ZRANB3: variants seen among roughly 807,000 people sequenced by gnomAD.
ZRANB3 encodes the protein zinc finger RANBP2-type containing 3, also known as DNA annealing helicase and endonuclease ZRANB3.
In ZRANB3, 125 loss-of-function variants were observed where a neutral mutation model predicts 133.8. The ratio of observed to expected loss-of-function variants is 0.93; its 90% CI spans 0.81 to 1.08. ZRANB3 has a LOEUF of 1.08. ZRANB3 is among the 50% of genes least tolerant of loss of function. The pLI, the probability that ZRANB3 is intolerant of heterozygous loss-of-function variation, is 0.00. For synonymous variants in ZRANB3, 387 were observed against 432.7 expected, an observed-to-expected ratio of 0.89 and a Z score of 1.31; for missense variants, 1,229 against 1,275.5, an observed-to-expected ratio of 0.96 and a Z score of 0.56.
chr2:135,343,010 C>CAAAA (rs11435525), intron 6 of ZRANB3, among the ~76,000 whole-genome samples: 41 of 55,210 alleles, frequency 7.4e-4, no homozygotes, highest in African/African-American at 2.9e-3. Flanking sequence ...ACTAAAAATC[C>CAAAA]AAAAAAAAAA....
At chr2:135,211,880 C>T (rs1694106452) in intron 17 of ZRANB3, among the ~76,000 whole-genome samples, 2 of 151,926 alleles carry the variant, frequency 1.3e-5, no homozygotes, top group African/African-American at 2.4e-5. Context: ...AGAATAAATC[C>T]CCAGAAGTAG....
At chr2:135,473,081 C>T (rs1309800930) in intron 2 of ZRANB3, among the ~76,000 whole-genome samples, 2 of 152,112 alleles carry the variant, frequency 1.3e-5, no homozygotes, top group East Asian at 3.8e-4. Flanking sequence ...TGTTGTGCAA[C>T]CTTCACAACT....
chr2:135,472,274 G>A (rs1244112644), intron 2 of ZRANB3, among the ~76,000 whole-genome samples: 2 of 152,122 alleles, frequency 1.3e-5, no homozygotes, highest in Non-Finnish European at 2.9e-5. Flanking sequence ...GCCGAGGCAG[G>A]CAGATCACAA....
chr2:135,288,246 T>C (rs1681487209), intron 8 of ZRANB3, among the ~76,000 whole-genome samples: 1 of 152,178 alleles, frequency 6.6e-6, no homozygotes, highest in African/African-American at 2.4e-5. Flanking sequence ...TATTGGCTTG[T>C]GTGTGTTAAG....
chr2:135,470,834 C>T (rs1464625174), intron 2 of ZRANB3, among the ~76,000 whole-genome samples: 4 of 146,966 alleles, frequency 2.7e-5, no homozygotes, highest in African/African-American at 1.0e-4. Flanking sequence ...TGGAGTCTCA[C>T]TCTGTCGCCC....
intron 2 of ZRANB3, among the ~76,000 whole-genome samples, chr2:135,481,331 A>G (rs1691793944): frequency 6.6e-6 from 1 of 151,394 alleles, no homozygotes; most frequent in Middle Eastern, 3.4e-3. Context: ...ATGGTATCTC[A>G]TTGTGGTTTT....
chr2:135,506,625 G>A (rs192490164), intron 1 of ZRANB3, among the ~76,000 whole-genome samples: 73 of 152,176 alleles, frequency 4.8e-4, no homozygotes, highest in African/African-American at 1.3e-3. Flanking sequence ...CATGTTTCAC[G>A]GGCTCAACAG....
chr2:135,486,350 G>A (rs955054318), intron 2 of ZRANB3, among the ~76,000 whole-genome samples: 3 of 152,100 alleles, frequency 2.0e-5, no homozygotes, highest in Non-Finnish European at 2.9e-5. Context: ...ACCAAGAATA[G>A]ATTCCATCTC....
chr2:135,306,681 T>C (rs1682722807), intron 8 of ZRANB3, among the ~76,000 whole-genome samples: 1 of 151,068 alleles, frequency 6.6e-6, no homozygotes, highest in African/African-American at 2.4e-5. Flanking sequence ...ATCCGATTCC[T>C]GGGTTCAAGC....
intron 2 of ZRANB3, among the ~76,000 whole-genome samples, chr2:135,416,644 T>C (rs1250284022): frequency 1.3e-5 from 2 of 150,242 alleles, no homozygotes; most frequent in East Asian, 3.9e-4. Flanking sequence ...AGAGCCCGCA[T>C]CGCCAAGTCA....
Position 135,200,318 on chromosome 2 carries a change from C to T in ZRANB3, c.*24G>A. 1 of 1,538,244 alleles carries T rather than the reference C, an allele frequency of 6.5e-7. No homozygotes were observed. ...AGTCTTCCACATGTAAACCATTTGT[C>T]ATTCATTCATATATTTTTCTACTTT... On this transcript the variant is annotated 3_prime_UTR_variant, in exon 21 of 21. Coordinates refer to ENST00000264159, the MANE Select transcript of ZRANB3 (RefSeq NM_032143.4).
intron 1 of ZRANB3, among the ~76,000 whole-genome samples, chr2:135,515,977 A>C (rs1693680223): frequency 1.3e-5 from 2 of 152,138 alleles, no homozygotes; most frequent in African/African-American, 4.8e-5. Context: ...TTGGGTGCAT[A>C]TATATTTAAA....
At chr2:135,313,411 A>G (rs942399200) in intron 8 of ZRANB3, 78 bp downstream of exon 8, 65 of 945,618 alleles carry the variant, frequency 6.9e-5, no homozygotes, top group South Asian at 5.1e-4. Flanking sequence ...TATATAAATA[A>G]CTTGCTTAAT....
chr2:135,215,680 CTTGTT>C (rs1305098552), intron 17 of ZRANB3, among the ~76,000 whole-genome samples: 2 of 152,106 alleles, frequency 1.3e-5, no homozygotes, highest in Admixed American at 6.5e-5. Flanking sequence ...ATTTGTGATT[CTTGTT>C]TTGTTTTTAG....
intron 2 of ZRANB3, among the ~76,000 whole-genome samples, chr2:135,493,774 G>A (rs992816681): frequency 1.4e-4 from 21 of 152,118 alleles, no homozygotes; most frequent in Non-Finnish European, 2.8e-4. Flanking sequence ...CACCCAAAGA[G>A]CTAACAAGAG....
At chr2:135,398,474 CT>C (rs1574036931) in intron 2 of ZRANB3, among the ~76,000 whole-genome samples, 3 of 150,518 alleles carry the variant, frequency 2.0e-5, no homozygotes, top group Admixed American at 6.6e-5. Flanking sequence ...TGCCCTTACT[CT>C]TTTTTTCTAC....
At chr2:135,368,912 G>A (rs910958417) in intron 3 of ZRANB3, among the ~76,000 whole-genome samples, 4 of 151,846 alleles carry the variant, frequency 2.6e-5, no homozygotes, top group Non-Finnish European at 4.4e-5. Flanking sequence ...GCATTTACTC[G>A]TCTTTTCTAA....
At chr2:135,213,895 G>A (rs1054808203) in intron 17 of ZRANB3, among the ~76,000 whole-genome samples, 3 of 152,088 alleles carry the variant, frequency 2.0e-5, no homozygotes, top group Non-Finnish European at 4.4e-5. Flanking sequence ...AGCAGAAGAC[G>A]AAGGCAGAGA....
Position 135,271,794 on chromosome 2 carries a change from T to C in ZRANB3, c.1180A>G (p.Ile394Val), listed in dbSNP as rs1184694495. 29 of 1,613,578 alleles carry C rather than the reference T, an allele frequency of 1.8e-5. No homozygotes were observed. The highest frequency in any genetic ancestry group is 2.5e-5 in the Non-Finnish European group (29 of 1,179,780). ...TGGCCAGCAGCCTGAATGCTTAGGA[T>C]AGCCACGCGAGTGTCAGGATCCTTT... ...FQKDPDTRVAILSIQAAGQGL... is the reference protein window; with the variant it reads ...FQKDPDTRVAVLSIQAAGQGL... Residue 394 changes from isoleucine to valine, a missense_variant, in exon 10 of 21, where the codon ATC becomes GTC. Transcript: ENST00000264159.
Sources: allele counts gnomAD v4.1 joint callset (sites outside exome capture counted in the v4.1 genomes callset), GRCh38; gene constraint gnomAD v4.1.1; transcripts MANE v1.5; gene names NCBI Gene and HGNC (gene_info 2026-07-23, HGNC 2026-07-21).